The following PDE1C variants were observed in gnomAD, a reference collection of about 807,000 sequenced individuals.
The protein encoded by PDE1C is dual specificity calcium/calmodulin-dependent 3',5'-cyclic nucleotide phosphodiesterase 1C.
In PDE1C, 62 loss-of-function variants were observed where a neutral mutation model predicts 93.1. The ratio of observed to expected loss-of-function variants is 0.67; its 90% CI spans 0.54 to 0.82. PDE1C has a LOEUF of 0.82. Among genes scored for constraint, PDE1C ranks in the 40% least tolerant of loss-of-function variants. PDE1C has a pLI of 0.00. For missense variants in PDE1C, 742 were observed against 884.6 expected (o/e 0.84, Z 2.04); for synonymous variants, 325 against 310.1 (o/e 1.05, Z -0.50).
intron 1 of PDE1C, among the ~76,000 whole-genome samples, chr7:32,059,798 G>T (rs903618094): frequency 3.3e-5 from 5 of 152,188 alleles, no homozygotes; most frequent in Non-Finnish European, 5.9e-5. Context: ...ACAGGGAAAG[G>T]TTTTGAGAGA....
chr7:31,641,358 G>T, the PDE1C span, among the ~76,000 whole-genome samples: 3 of 152,116 alleles, frequency 2.0e-5, no homozygotes, highest in East Asian at 5.8e-4. Context: ...GACAGACAAG[G>T]CTCCTCCCTC....
chr7:31,668,778 AACTAT>A, the PDE1C span, among the ~76,000 whole-genome samples: 1 of 144,878 alleles, frequency 6.9e-6, no homozygotes, highest in African/African-American at 2.6e-5. Flanking sequence ...ACAATTCTGT[AACTAT>A]ACTAAAAACC....
chr7:32,145,423 GCA>G (rs945209171), intron 3 of PDE1C, among the ~76,000 whole-genome samples: 1 of 152,074 alleles, frequency 6.6e-6, no homozygotes, highest in Non-Finnish European at 1.5e-5. Context: ...TTGCCAGCTA[GCA>G]CACACACACT....
intron 2 of PDE1C, among the ~76,000 whole-genome samples, chr7:31,900,917 T>C (rs1799897080): frequency 6.6e-6 from 1 of 151,872 alleles, no homozygotes. Context: ...AAAGTCTATA[T>C]GATCTTTTTG....
At chr7:32,200,028 A>G (rs1268030461) in intron 2 of PDE1C, among the ~76,000 whole-genome samples, 1 of 152,214 alleles carries the variant, frequency 6.6e-6, no homozygotes, top group Non-Finnish European at 1.5e-5. Flanking sequence ...CCCATCCCCA[A>G]GATATCCCAT....
intron 3 of PDE1C, among the ~76,000 whole-genome samples, chr7:32,109,921 G>C (rs778674779): frequency 3.6e-4 from 55 of 152,268 alleles, no homozygotes; most frequent in Non-Finnish European, 6.6e-4. Flanking sequence ...TTGGTCAACA[G>C]AGTTTGTTAA....
chr7:31,867,697 C>A (rs1194244790), intron 6 of PDE1C, among the ~76,000 whole-genome samples: 1 of 152,250 alleles, frequency 6.6e-6, no homozygotes, highest in African/African-American at 2.4e-5. Flanking sequence ...GCTGCCACCA[C>A]TGGCTCCTGA....
At chr7:31,959,477 G>C (rs571847951) in intron 2 of PDE1C, among the ~76,000 whole-genome samples, 73 of 152,178 alleles carry the variant, frequency 4.8e-4, no homozygotes, top group Non-Finnish European at 1.6e-4. Context: ...GGCTCCCAAA[G>C]TGCTGGAATT....
At chr7:31,691,172 G>A in the PDE1C span, among the ~76,000 whole-genome samples, 1 of 152,180 alleles carries the variant, frequency 6.6e-6, no homozygotes, top group Admixed American at 6.5e-5. Flanking sequence ...TCTAAAAGCT[G>A]TGCTCAAGTG....
chr7:31,821,883 G>T (rs1202069938), intron 14 of PDE1C, among the ~76,000 whole-genome samples: 1 of 152,024 alleles, frequency 6.6e-6, no homozygotes, highest in Non-Finnish European at 1.5e-5. Context: ...AACCAACACT[G>T]CTAGAACATG....
At chr7:31,683,246 T>C in the PDE1C span, among the ~76,000 whole-genome samples, 1 of 152,174 alleles carries the variant, frequency 6.6e-6, no homozygotes, top group Non-Finnish European at 1.5e-5. Flanking sequence ...CTGTGCACAA[T>C]ATACAAGGGA....
intron 2 of PDE1C, among the ~76,000 whole-genome samples, chr7:31,985,878 G>A (rs1783336227): frequency 6.6e-6 from 1 of 152,092 alleles, no homozygotes; most frequent in Non-Finnish European, 1.5e-5. Flanking sequence ...CCACAATAAT[G>A]TTTTTTAAAA....
downstream of PDE1C, among the ~76,000 whole-genome samples, chr7:31,747,530 C>G (rs1477691485): frequency 6.6e-6 from 1 of 151,834 alleles, no homozygotes; most frequent in African/African-American, 2.4e-5. Flanking sequence ...CTACCTCCTG[C>G]ACAGAAAAAA....
At chr7:31,652,502 C>G in the PDE1C span, 1 of 1,571,272 alleles carries the variant, frequency 6.4e-7, no homozygotes, top group African/African-American at 1.4e-5. Context: ...TCTTTTTCCT[C>G]TTGTTTTCCT....
At chr7:32,341,173 C>CTATTTTTTATTTTTTTTTTT (rs796122014) in intron 1 of PDE1C, among the ~76,000 whole-genome samples, 38 of 84,956 alleles carry the variant, frequency 4.5e-4, no homozygotes, top group East Asian at 1.8e-3. Context: ...GAAATAAAGT[C>CTATTTTTTATTTTTTTTTTT]TTTTTTTTTT....
At chr7:31,919,986 C>G (rs1802400747) in intron 2 of PDE1C, among the ~76,000 whole-genome samples, 1 of 152,140 alleles carries the variant, frequency 6.6e-6, no homozygotes, top group African/African-American at 2.4e-5. Flanking sequence ...CCTGTGAAGC[C>G]CCTAAATCTG....
rs114421078 is a variant in PDE1C at position 32,154,453 on chromosome 7, T to C, written c.308+15332A>G. On this transcript the variant is annotated intron_variant, in intron 3 of 18. Coordinates refer to the PDE1C transcript ENST00000396193. ...ACCCAGTGATAATATTTTACAAGAC[T>C]CTAGTACATTATCCAAACCAGGAAA... 8.8e-3 allele frequency among the ~76,000 whole-genome samples: 1,342 copies of C among 152,202 alleles called. 19 individuals carry two copies. The highest frequency in any genetic ancestry group is 0.03 in the African/African-American group (1,253 of 41,518).
intron 2 of PDE1C, among the ~76,000 whole-genome samples, chr7:31,889,937 T>G (rs924720933): frequency 6.6e-6 from 1 of 152,170 alleles, no homozygotes; most frequent in African/African-American, 2.4e-5. Flanking sequence ...GTTTATCCCC[T>G]GTTTTTATTG....
At chr7:32,374,259 G>GAA (rs751041907) in intron 1 of PDE1C, among the ~76,000 whole-genome samples, 3 of 94,346 alleles carry the variant, frequency 3.2e-5, no homozygotes, top group East Asian at 2.8e-4. Context: ...AGGAAAGGAA[G>GAA]AAAGAAAGAA....
Sources: gnomAD v4.1 joint callset for allele counts (sites outside exome capture counted in the v4.1 genomes callset) on GRCh38, gnomAD v4.1.1 for gene constraint, MANE v1.5 for transcripts, NCBI Gene and HGNC (gene_info 2026-07-23, HGNC 2026-07-21) for gene names.